LPP: variants seen among roughly 807,000 people sequenced by gnomAD.
The protein encoded by LPP is LIM domain containing preferred translocation partner in lipoma, also known as lipoma-preferred partner.
LPP carries 38 observed loss-of-function variants against 60.4 expected under a neutral mutation model. The observed-to-expected ratio is 0.63, with a 90% CI of 0.49 to 0.83. The LOEUF (loss-of-function observed/expected upper bound fraction) is 0.83. Among genes scored for constraint, LPP ranks in the 40% least tolerant of loss-of-function variants. The probability of loss-of-function intolerance (pLI) is 0.00; values close to 1 mark genes in which losing one functional copy is unlikely to be tolerated. For missense variants in LPP, 902 were observed against 783.6 expected, an observed-to-expected ratio of 1.15 and a Z score of -1.80; for synonymous variants, 328 against 290.8, an observed-to-expected ratio of 1.13 and a Z score of -1.30.
intron 7 of LPP, among the ~76,000 whole-genome samples, chr3:188,632,701 C>T (rs1191720110): frequency 2.6e-5 from 4 of 152,166 alleles, no homozygotes; most frequent in Admixed American, 6.5e-5. Context: ...AAAGGGCTTA[C>T]GTTAACTGTT....
chr3:188,769,680 G>A (rs1735234967), intron 9 of LPP, among the ~76,000 whole-genome samples: 1 of 152,174 alleles, frequency 6.6e-6, no homozygotes, highest in African/African-American at 2.4e-5. Context: ...TAACGGCAGA[G>A]GTGGGACTAG....
chr3:188,413,558 C>T (rs1021516836), intron 4 of LPP, among the ~76,000 whole-genome samples: 1 of 152,138 alleles, frequency 6.6e-6, no homozygotes, highest in African/African-American at 2.4e-5. Flanking sequence ...CCTCATCCAT[C>T]ACTGCACAGT....
At chr3:188,387,505 T>C (rs1341908376) in intron 3 of LPP, among the ~76,000 whole-genome samples, 1 of 152,252 alleles carries the variant, frequency 6.6e-6, no homozygotes, top group African/African-American at 2.4e-5. Context: ...TAAATGTAGC[T>C]TACTTCTTCA....
intron 2 of LPP, among the ~76,000 whole-genome samples, chr3:188,254,803 C>T (rs369309706): frequency 5.3e-5 from 8 of 152,212 alleles, no homozygotes; most frequent in African/African-American, 7.2e-5. Flanking sequence ...ACTGTATGGG[C>T]GCCCTCCTGC....
chr3:188,440,975 C>G (rs200013823), intron 4 of LPP, among the ~76,000 whole-genome samples: 1 of 101,020 alleles, frequency 9.9e-6, no homozygotes, highest in African/African-American at 3.5e-5. Flanking sequence ...GTGTGTGCGC[C>G]TGTATACATC....
intron 2 of LPP, among the ~76,000 whole-genome samples, chr3:188,339,523 A>G (rs549442477): frequency 5.0e-4 from 76 of 152,332 alleles, no homozygotes; most frequent in African/African-American, 1.8e-3. Flanking sequence ...CAGGAAACTT[A>G]TAATCATGGT....
At chr3:188,842,321 C>A (rs1760246875) in intron 9 of LPP, among the ~76,000 whole-genome samples, 1 of 152,140 alleles carries the variant, frequency 6.6e-6, no homozygotes, top group East Asian at 1.9e-4. Flanking sequence ...ATTTGTATGT[C>A]TTTTGAGAAA....
chr3:188,459,758 A>G (rs536843265), intron 4 of LPP, among the ~76,000 whole-genome samples: 2 of 152,202 alleles, frequency 1.3e-5, no homozygotes, highest in African/African-American at 2.4e-5. Flanking sequence ...CTAGTTCTGA[A>G]CCCCAATATC....
intron 8 of LPP, among the ~76,000 whole-genome samples, chr3:188,722,864 C>A (rs1716994382): frequency 6.6e-6 from 1 of 152,192 alleles, no homozygotes; most frequent in Admixed American, 6.5e-5. Context: ...CCTAGTGCAG[C>A]ATCTGGTTTG....
intron 9 of LPP, among the ~76,000 whole-genome samples, chr3:188,863,440 C>T (rs1405246572): frequency 1.4e-4 from 21 of 152,158 alleles, no homozygotes; most frequent in Non-Finnish European, 2.9e-5. Context: ...ATGCTCTCCA[C>T]AACTCAGGTC....
chr3:188,401,600 A>C (rs139743362), intron 3 of LPP, among the ~76,000 whole-genome samples: 1 of 152,342 alleles, frequency 6.6e-6, no homozygotes, highest in Non-Finnish European at 1.5e-5. Flanking sequence ...TGAGTAAAGA[A>C]TAAGAATCTG....
chr3:188,552,800 C>T (rs1828503638), intron 6 of LPP, among the ~76,000 whole-genome samples: 1 of 152,148 alleles, frequency 6.6e-6, no homozygotes, highest in African/African-American at 2.4e-5. Context: ...GGCTAATCTC[C>T]CTGTCTCAAA....
chr3:188,393,475 A>C (rs943598386), intron 3 of LPP, among the ~76,000 whole-genome samples: 1 of 152,126 alleles, frequency 6.6e-6, no homozygotes, highest in Admixed American at 6.5e-5. Flanking sequence ...ACTTGACTGT[A>C]TTCAGGATTC....
chr3:188,464,218 A>T (rs1799808241), intron 4 of LPP, among the ~76,000 whole-genome samples: 1 of 152,110 alleles, frequency 6.6e-6, no homozygotes, highest in Non-Finnish European at 1.5e-5. Flanking sequence ...ATAGCAAAAT[A>T]TTTTTTGGAT....
chr3:188,608,612 C>G (rs115237068), intron 6 of LPP, among the ~76,000 whole-genome samples: 16 of 152,256 alleles, frequency 1.1e-4, no homozygotes, highest in Non-Finnish European at 2.2e-4. Context: ...GTAATGCCTC[C>G]GGCTTTGTTC....
At chr3:188,832,161 A>C (rs957543991) in intron 9 of LPP, among the ~76,000 whole-genome samples, 1 of 152,172 alleles carries the variant, frequency 6.6e-6, no homozygotes, top group African/African-American at 2.4e-5. Flanking sequence ...GAAGAAGGCA[A>C]AGGTGTTGGG....
chr3:188,482,225 A>G (rs1804991803), intron 4 of LPP, among the ~76,000 whole-genome samples: 2 of 152,214 alleles, frequency 1.3e-5, no homozygotes, highest in Admixed American at 6.5e-5. Flanking sequence ...CTGTGAGTCA[A>G]TTAAACCTCT....
intron 1 of LPP, among the ~76,000 whole-genome samples, chr3:188,196,330 C>T (rs1219519024): frequency 1.3e-5 from 2 of 152,174 alleles, no homozygotes; most frequent in Non-Finnish European, 2.9e-5. Context: ...TGGGGCTCAC[C>T]GTGTCTTTTG....
chr3:188,441,626 T>C (rs1170691320), intron 4 of LPP, among the ~76,000 whole-genome samples: 3 of 109,806 alleles, frequency 2.7e-5, no homozygotes, highest in Non-Finnish European at 5.6e-5. Context: ...TTTTTTTTTT[T>C]TTTTTTTTTT....
Sources: gnomAD v4.1 joint callset for allele counts (sites outside exome capture counted in the v4.1 genomes callset) on GRCh38, gnomAD v4.1.1 for gene constraint, MANE v1.5 for transcripts, NCBI Gene and HGNC (gene_info 2026-07-23, HGNC 2026-07-21) for gene names.